The following FRMD4A variants were observed in gnomAD, a reference collection of about 807,000 sequenced individuals.
The protein encoded by FRMD4A is FERM domain containing 4A.
In FRMD4A, 29 loss-of-function variants were observed where a neutral mutation model predicts 129.1. The observed-to-expected ratio is 0.22, with a 90% CI of 0.17 to 0.31. FRMD4A has a LOEUF of 0.31. Among genes scored for constraint, FRMD4A ranks in the 10% least tolerant of loss-of-function variants. The pLI is 1.00. For missense variants in FRMD4A, 1,272 were observed against 1,375.8 expected (o/e 0.92, Z 1.19); for synonymous variants, 634 against 571.6 (o/e 1.11, Z -1.56).
chr10:13,852,194 C>A (rs909374691), intron 3 of FRMD4A, among the ~76,000 whole-genome samples: 2 of 152,022 alleles, frequency 1.3e-5, no homozygotes, highest in Non-Finnish European at 2.9e-5. Context: ...CTAGAAATAG[C>A]CATCCAAAAG....
rs186272448 is a variant in FRMD4A, at chr10:14,012,051, C to T, written c.46-153139G>A. 2.4e-3 allele frequency among the ~76,000 whole-genome samples: 359 copies of T among 151,932 alleles called. 3 individuals are homozygous for T. Among genetic ancestry groups the T allele is most frequent in the South Asian group, 6.6e-3 (32 of 4,814 alleles). ...AAAAAAAGAACAGCAAGAGGAAAACCTATGGAACAATATTACATAGAAAGA... is the reference window on the plus strand; with the variant it reads ...AAAAAAAGAACAGCAAGAGGAAAACTTATGGAACAATATTACATAGAAAGA... On this transcript the variant is annotated intron_variant, in intron 2 of 24. Transcript: ENST00000357447.
At chr10:13,757,194 A>G (rs2091900076) in intron 8 of FRMD4A, among the ~76,000 whole-genome samples, 1 of 152,238 alleles carries the variant, frequency 6.6e-6, no homozygotes, top group Non-Finnish European at 1.5e-5. Context: ...GCCTTTGTTA[A>G]CAGCTTGGAG....
chr10:13,795,121 A>G (rs1029603066), intron 5 of FRMD4A, among the ~76,000 whole-genome samples: 28 of 152,316 alleles, frequency 1.8e-4, no homozygotes, highest in Admixed American at 9.8e-4. Context: ...AGAGCCTGAT[A>G]TATGGTAAAT....
intron 2 of FRMD4A, among the ~76,000 whole-genome samples, chr10:14,226,395 G>A (rs951413184): frequency 6.6e-5 from 10 of 152,136 alleles, no homozygotes; most frequent in South Asian, 4.1e-4. Flanking sequence ...TGTTATCATC[G>A]TATACATCAG....
At chr10:13,902,431 G>A (rs2094829920) in intron 2 of FRMD4A, among the ~76,000 whole-genome samples, 1 of 145,592 alleles carries the variant, frequency 6.9e-6, no homozygotes, top group South Asian at 2.3e-4. Context: ...TAGACTTATG[G>A]AAATTGATGG....
chr10:13,748,768 G>A (rs896571098), intron 8 of FRMD4A, among the ~76,000 whole-genome samples: 2 of 152,198 alleles, frequency 1.3e-5, no homozygotes, highest in African/African-American at 4.8e-5. Context: ...CACTTTGGAT[G>A]TTGGATTTTC....
At chr10:13,771,300 C>G (rs1327215921) in intron 6 of FRMD4A, among the ~76,000 whole-genome samples, 1 of 152,068 alleles carries the variant, frequency 6.6e-6, no homozygotes, top group East Asian at 1.9e-4. Context: ...TGATCTCAAA[C>G]TCCTGGCCTC....
In FRMD4A at chr10:13,811,509, T is replaced by C. The variant is rs1360385959; in HGVS notation, c.112-601A>G. Among the ~76,000 whole-genome samples the C allele has an allele frequency of 3.3e-5, 5 of 149,736 alleles. No individual in the cohort carries two copies. In the South Asian group the frequency reaches 8.5e-4, roughly 26 times the overall value. On this transcript the variant is annotated intron_variant, in intron 3 of 24. Transcript: ENST00000357447. Reference sequence around the variant, plus strand: ...ATCGCTTGAAACTGCAAGGCAGAGGTTGCAGTGAGCCAAGATCACGCCACT... The same window carrying C: ...ATCGCTTGAAACTGCAAGGCAGAGGCTGCAGTGAGCCAAGATCACGCCACT...
At chr10:14,242,993 C>T (rs138879458) in intron 2 of FRMD4A, among the ~76,000 whole-genome samples, 1 of 152,030 alleles carries the variant, frequency 6.6e-6, no homozygotes, top group African/African-American at 2.4e-5. Flanking sequence ...AACTTTGTAC[C>T]CATTATAGAT....
intron 2 of FRMD4A, among the ~76,000 whole-genome samples, chr10:14,289,393 T>G (rs919643682): frequency 6.6e-6 from 1 of 152,196 alleles, no homozygotes; most frequent in East Asian, 1.9e-4. Flanking sequence ...TGAGCACATT[T>G]TCATATGCCT....
intron 8 of FRMD4A, among the ~76,000 whole-genome samples, chr10:13,753,408 T>G (rs1439400724): frequency 6.6e-6 from 1 of 152,198 alleles, no homozygotes; most frequent in Admixed American, 6.6e-5. Flanking sequence ...AGGGAATCAC[T>G]TGGAGGCCCC....
intron 2 of FRMD4A, among the ~76,000 whole-genome samples, chr10:13,939,183 T>A (rs539739529): frequency 6.6e-6 from 1 of 152,364 alleles, no homozygotes; most frequent in East Asian, 1.9e-4. Context: ...GTTCACATTA[T>A]TCTAAATTGC....
intron 2 of FRMD4A, among the ~76,000 whole-genome samples, chr10:14,208,173 G>A (rs1014213100): frequency 1.3e-5 from 2 of 152,124 alleles, no homozygotes; most frequent in African/African-American, 4.8e-5. Context: ...TCCAGCCTGA[G>A]CAACAGAGCC....
At chr10:14,221,998 G>A (rs2131973306) in intron 2 of FRMD4A, among the ~76,000 whole-genome samples, 1 of 152,240 alleles carries the variant, frequency 6.6e-6, no homozygotes, top group Middle Eastern at 3.4e-3. Context: ...CTTCTTGTAG[G>A]TTTTGCGGTC....
chr10:14,063,295 A>C (rs374332985), intron 2 of FRMD4A, among the ~76,000 whole-genome samples: 7 of 152,268 alleles, frequency 4.6e-5, no homozygotes, highest in African/African-American at 1.4e-4. Flanking sequence ...GATGAGAGTC[A>C]GTCTCCGACT....
chr10:13,867,308 G>T (rs2094379988), intron 2 of FRMD4A, among the ~76,000 whole-genome samples: 1 of 151,808 alleles, frequency 6.6e-6, no homozygotes, highest in African/African-American at 2.4e-5. Flanking sequence ...GTCCCAGCTG[G>T]AGTTCAGTGG....
intron 2 of FRMD4A, among the ~76,000 whole-genome samples, chr10:14,054,818 T>C (rs1834431936): frequency 6.6e-6 from 1 of 152,204 alleles, no homozygotes; most frequent in African/African-American, 2.4e-5. Flanking sequence ...GTTCTTGTGA[T>C]AGTAAGTCTC....
At chr10:14,114,878 A>G (rs1428370106) in intron 2 of FRMD4A, among the ~76,000 whole-genome samples, 1 of 152,238 alleles carries the variant, frequency 6.6e-6, no homozygotes, top group East Asian at 1.9e-4. Context: ...GGGGTTCAGC[A>G]CTGGATCCAT....
intron 2 of FRMD4A, among the ~76,000 whole-genome samples, chr10:13,929,013 A>T (rs1276373992): frequency 6.6e-6 from 1 of 152,184 alleles, no homozygotes; most frequent in Admixed American, 6.5e-5. Flanking sequence ...AAGTAACCGG[A>T]CACGCTTGGC....
Sources: allele counts gnomAD v4.1 joint callset (sites outside exome capture counted in the v4.1 genomes callset), GRCh38; gene constraint gnomAD v4.1.1; transcripts MANE v1.5; gene names NCBI Gene and HGNC (gene_info 2026-07-23, HGNC 2026-07-21).